Variants in CSF1R observed in about 807,000 individuals in gnomAD.
CSF1R encodes the protein colony stimulating factor 1 receptor, also known as macrophage colony-stimulating factor 1 receptor.
CSF1R carries 40 observed loss-of-function variants against 110.0 expected under a neutral mutation model. That is an observed-to-expected ratio of 0.36 (90% CI 0.28 to 0.47). The LOEUF (loss-of-function observed/expected upper bound fraction) is 0.47. Ranked by LOEUF, CSF1R falls within the 20% of genes least tolerant of loss-of-function variation. CSF1R has a pLI of 0.99. For synonymous variants in CSF1R, 523 were observed against 503.4 expected (o/e 1.04, Z -0.52); for missense variants, 1,052 against 1,253.0 (o/e 0.84, Z 2.42).
upstream of CSF1R, among the ~76,000 whole-genome samples, chr5:150,089,310 T>G (rs995621273): frequency 6.6e-6 from 1 of 152,152 alleles, no homozygotes; most frequent in Non-Finnish European, 1.5e-5. Context: ...ATCCTATATA[T>G]AGATAAATCC....
intron 1 of CSF1R, 74 bp from the exon 2 acceptor site, chr5:150,081,098 G>A: frequency 6.5e-7 from 1 of 1,545,136 alleles, no homozygotes; most frequent in Non-Finnish European, 8.8e-7. Flanking sequence ...ACTCTGAGAT[G>A]GGTGGTAGCT....
intron 1 of CSF1R, among the ~76,000 whole-genome samples, chr5:150,085,803 G>T (rs1193716918): frequency 1.3e-5 from 2 of 152,122 alleles, no homozygotes; most frequent in African/African-American, 4.8e-5. Context: ...TTCCAAATCA[G>T]ATCTTGCATA....
At chr5:150,086,618 C>A, upstream of CSF1R, 1 of 540,168 alleles carries the variant, frequency 1.9e-6, no homozygotes, top group Non-Finnish European at 3.3e-6. Context: ...CTAGGCAAGG[C>A]AACCACAGAG....
At position 150,055,289 on chromosome 5, in the gene CSF1R, G is replaced by A; in HGVS notation, c.2602C>T (p.Leu868=). 3 of 1,614,188 alleles carry A rather than the reference G, an allele frequency of 1.9e-6. No individual in the cohort carries two copies. Among genetic ancestry groups the A allele is most frequent in the Non-Finnish European group, 2.5e-6 (3 of 1,180,026 alleles). The change falls in exon 19 of 21, where the codon CTG becomes TTG. Residue 868 remains leucine (L), a synonymous_variant. Transcript: ENST00000675795. ...GCCATTTGGTATCCATCCTTCACCA[G>A]TTTATAGAACTTGCTGTTCACCAGG... The part of the protein sequence containing the change: ...GILVNSKFYK[L]VKDGYQMAQP...
Position 150,057,533 on chromosome 5 carries a change from G to A in CSF1R, c.2192C>T (p.Thr731Ile). The part of the protein sequence containing the change: ...DTYVEMRPVS[T>I]SSNDSFSEQD... ...CTCAGAGAAGGAGTCATTTGAAGAA[G>A]TGGAGACAGGCCTCATCTCCACATA... The change falls in exon 15 of 21, where the codon ACT (threonine) becomes ATT (isoleucine). Residue 731 changes from threonine (T) to isoleucine (I), a missense_variant. By Grantham distance (89) the Thr-to-Ile change is moderately conservative (BLOSUM62 -1). This residue lies in a region of CSF1R where 124 missense variants were observed against 117.7 expected (regional missense o/e 1.05). Coordinates refer to ENST00000675795, the MANE Select transcript of CSF1R (RefSeq NM_001288705.3). 1 of 1,614,232 alleles carries A rather than the reference G, an allele frequency of 6.2e-7. No individual in the cohort carries two copies. The highest frequency in any genetic ancestry group is 1.1e-5 in the South Asian group (1 of 91,092).
At chr5:150,068,618 T>C (rs542397715) in intron 9 of CSF1R, among the ~76,000 whole-genome samples, 1 of 152,296 alleles carries the variant, frequency 6.6e-6, no homozygotes, top group East Asian at 1.9e-4. Flanking sequence ...TCTCACCCTC[T>C]GCCAGTGCAA....
intron 14 of CSF1R, 88 bp downstream of exon 14, chr5:150,059,612 A>C (rs1383289425): frequency 6.1e-5 from 92 of 1,513,212 alleles, no homozygotes; most frequent in Non-Finnish European, 7.6e-5. Flanking sequence ...CCCATTCATG[A>C]GCCATCCAAC....
chr5:150,096,160 C>A (rs111921809), intron 1 of CSF1R, among the ~76,000 whole-genome samples: 3 of 152,112 alleles, frequency 2.0e-5, no homozygotes, highest in Non-Finnish European at 4.4e-5. Flanking sequence ...GAGACCGAGG[C>A]GGGCGGATCA....
chr5:150,067,866 GT>G (rs953530766), intron 10 of CSF1R, among the ~76,000 whole-genome samples: 1 of 152,106 alleles, frequency 6.6e-6, no homozygotes, highest in Admixed American at 6.5e-5. Flanking sequence ...CTTTTTGTTT[GT>G]TTTTTGAGCT....
In CSF1R at chr5:150,099,891, A is replaced by T. The variant is rs114294005; in HGVS notation, c.-180-13284T>A. 5.0e-3 allele frequency among the ~76,000 whole-genome samples: 758 copies of T among 152,338 alleles called. 5 individuals are homozygous for T. The highest frequency in any genetic ancestry group is 0.017 in the African/African-American group (715 of 41,568). ...TGTGTGTAAATTAAATTTTCATAAA[A>T]CAATGGGAAAAAAATGTAAAGGGCC... On this transcript the variant is annotated intron_variant, in intron 1 of 21. Coordinates refer to the CSF1R transcript ENST00000286301.
chr5:150,110,757 C>G (rs773999021), intron 1 of CSF1R, among the ~76,000 whole-genome samples: 13 of 151,952 alleles, frequency 8.6e-5, no homozygotes, highest in Admixed American at 2.0e-4. Flanking sequence ...TAAATTTGTA[C>G]CACAGAGTTG....
Position 150,104,393 on chromosome 5 carries a change from C to T in CSF1R, c.-181+8868G>A, listed in dbSNP as rs374275791. On this transcript the variant is annotated intron_variant, in intron 1 of 21. Coordinates refer to the CSF1R transcript ENST00000286301. ...TCATTTCTATCCATCCAGCTAATTC[C>T]TATAGCTCCTTCAGACTCGCTGCCT... Among the ~76,000 whole-genome samples the T allele has an allele frequency of 1.3e-4, 20 of 152,358 alleles. No homozygotes were observed. In the South Asian group the frequency reaches 3.7e-3, roughly 28 times the overall value.
At chr5:150,057,461 C>G in intron 15 of CSF1R, 43 bp downstream of exon 15, 1 of 1,612,322 alleles carries the variant, frequency 6.2e-7, no homozygotes, top group Non-Finnish European at 8.5e-7. Flanking sequence ...CTCCTTTTCC[C>G]TTGTTATCAA....
intron 1 of CSF1R, among the ~76,000 whole-genome samples, chr5:150,103,656 C>T (rs1291942107): frequency 6.6e-6 from 1 of 152,206 alleles, no homozygotes; most frequent in Non-Finnish European, 1.5e-5. Context: ...GTGAGGCCTT[C>T]CAGAGCAGTG....
intron 10 of CSF1R, among the ~76,000 whole-genome samples, chr5:150,063,331 T>A (rs1009640573): frequency 2.6e-5 from 4 of 151,892 alleles, no homozygotes; most frequent in Admixed American, 2.6e-4. Context: ...CCTGAGAGTT[T>A]GACACAGGTG....
intron 1 of CSF1R, among the ~76,000 whole-genome samples, chr5:150,092,495 G>A (rs1273039383): frequency 3.9e-5 from 6 of 152,080 alleles, no homozygotes; most frequent in Non-Finnish European, 5.9e-5. Context: ...ACATACCCAA[G>A]ACTGGGTGAT....
At position 150,077,321 on chromosome 5, in the gene CSF1R, T is replaced by A; in HGVS notation, c.844A>T (p.Asn282Tyr). ...GAGGTGGAGTGCTTGCCCTGCACGTTGCTGGCCACGCAGGAGTAGTTGCCG... is the reference window on the plus strand; with the variant it reads ...GAGGTGGAGTGCTTGCCCTGCACGTAGCTGGCCACGCAGGAGTAGTTGCCG... ...HAGNYSCVAS[N>Y]VQGKHSTSMF... is the part of the protein sequence containing the mutation. Residue 282 changes from asparagine to tyrosine, a missense_variant, in exon 5 of 21, where the codon AAC (asparagine) becomes TAC (tyrosine). Physicochemically the swap from Asn to Tyr is moderately radical, Grantham distance 143 (BLOSUM62 -2). This residue lies in a region of CSF1R where 693 missense variants were observed against 735.4 expected (regional missense o/e 0.94). Coordinates refer to ENST00000675795, the MANE Select transcript of CSF1R (RefSeq NM_001288705.3). 1 of 1,614,236 alleles carries A rather than the reference T, an allele frequency of 6.2e-7. No individual in the cohort carries two copies. The highest frequency in any genetic ancestry group is 8.5e-7 in the Non-Finnish European group (1 of 1,180,038).
Position 150,105,381 on chromosome 5 carries a change from TATA to T in CSF1R, c.-181+7877_-181+7879del, listed in dbSNP as rs1395622264. Among the ~76,000 whole-genome samples the T allele has an allele frequency of 5.0e-4, 40 of 80,548 alleles. 1 individual carries two copies. The highest frequency in any genetic ancestry group is 1.5e-3 in the African/African-American group (30 of 19,556). The allele number at this position is 80,548 out of a possible 152,430, so 52.8% of individuals were successfully genotyped here. On this transcript the variant is annotated intron_variant, in intron 1 of 21. Transcript: ENST00000286301. ...AAAAAAAAATATATATATATATATA[TATA>T]TTTTTTTTTTTTTAATAGAGGCGGG...
At chr5:150,101,406 T>C (rs1006628074) in intron 1 of CSF1R, among the ~76,000 whole-genome samples, 2 of 152,196 alleles carry the variant, frequency 1.3e-5, no homozygotes, top group Non-Finnish European at 2.9e-5. Flanking sequence ...TTGGTATATG[T>C]CACTGCAGCT....
Sources: gnomAD v4.1 joint callset for allele counts (sites outside exome capture counted in the v4.1 genomes callset) on GRCh38, gnomAD v4.1.1 for gene constraint, gnomAD v4.1.1 regional missense constraint, MANE v1.5 for transcripts, NCBI Gene and HGNC (gene_info 2026-07-23, HGNC 2026-07-21) for gene names.